Variants in ULK4 observed in about 807,000 individuals in gnomAD.
The protein encoded by ULK4 is inactive serine/threonine-protein kinase ULK4.
In ULK4, 133 loss-of-function variants were observed where a neutral mutation model predicts 160.6. The ratio of observed to expected loss-of-function variants is 0.83; its 90% CI spans 0.72 to 0.96. The LOEUF (loss-of-function observed/expected upper bound fraction) is 0.96. Among genes scored for constraint, ULK4 ranks in the 40% least tolerant of loss-of-function variants. The pLI, the probability that ULK4 is intolerant of heterozygous loss-of-function variation, is 0.00. For missense variants in ULK4, 1,580 were observed against 1,499.5 expected, an observed-to-expected ratio of 1.05 and a Z score of -0.89; for synonymous variants, 534 against 539.8, an observed-to-expected ratio of 0.99 and a Z score of 0.15.
chr3:41,339,868 G>A (rs1575447264), intron 35 of ULK4, among the ~76,000 whole-genome samples: 1 of 152,278 alleles, frequency 6.6e-6, no homozygotes, highest in East Asian at 1.9e-4. Context: ...AGTAGGGATG[G>A]TAATGTCTGA....
chr3:41,928,391 G>C (rs948519581), intron 5 of ULK4, among the ~76,000 whole-genome samples: 2 of 152,098 alleles, frequency 1.3e-5, no homozygotes, highest in Admixed American at 1.3e-4. Flanking sequence ...GCCCACAAGA[G>C]AAAGTAGGAA....
intron 18 of ULK4, among the ~76,000 whole-genome samples, chr3:41,822,722 A>AT (rs1199516780): frequency 0.09 from 9,800 of 109,386 alleles, 777 homozygotes; most frequent in African/African-American, 0.19. Flanking sequence ...CCGGGCTGAG[A>AT]TTTTTTTTTT....
At chr3:41,400,333 T>G (rs983903453) in intron 34 of ULK4, among the ~76,000 whole-genome samples, 1 of 151,750 alleles carries the variant, frequency 6.6e-6, no homozygotes, top group African/African-American at 2.4e-5. Context: ...ATCACAAGGA[T>G]CCCATTATAG....
Position 41,480,888 on chromosome 3 carries a change from G to C in ULK4, c.3227-17635C>G, listed in dbSNP as rs142125501. ...CTCTTATAAAACCATCAGATCTCAT[G>C]AGAACTCACTATCATGAGAACAGCC... On this transcript the variant is annotated intron_variant, in intron 32 of 36. Transcript: ENST00000301831. Among the ~76,000 whole-genome samples the C allele has an allele frequency of 1.3e-3, 200 of 152,220 alleles. 1 individual carries two copies. In the East Asian group the frequency reaches 0.03, roughly 23 times the overall value.
At chr3:41,732,885 T>C (rs981394294) in intron 22 of ULK4, among the ~76,000 whole-genome samples, 2 of 152,120 alleles carry the variant, frequency 1.3e-5, no homozygotes, top group Non-Finnish European at 2.9e-5. Context: ...CTCGCTCATA[T>C]GTGGAATCTC....
At chr3:41,375,251 AC>A (rs1414541818) in intron 35 of ULK4, among the ~76,000 whole-genome samples, 2 of 152,180 alleles carry the variant, frequency 1.3e-5, no homozygotes, top group Admixed American at 1.3e-4. Flanking sequence ...TCAAACTACC[AC>A]TGACTTTCTT....
rs1204986999 is a variant in ULK4, at chr3:41,299,106, T to C, written c.3679-49532A>G. Among the ~76,000 whole-genome samples the C allele has an allele frequency of 4.6e-5, 7 of 152,334 alleles. No individual in the cohort carries two copies. The East Asian group carries it at 7.7e-4, about 17-fold the overall frequency. ...ACTTGTGTTGGCCAACAGGATGTGA[T>C]GGAAGTGATGTTGTGCAGATCCAAG... On this transcript the variant is annotated intron_variant, in intron 35 of 36. Coordinates refer to ENST00000301831, the MANE Select transcript of ULK4 (RefSeq NM_017886.4).
intron 29 of ULK4, among the ~76,000 whole-genome samples, chr3:41,675,408 G>A (rs2035678628): frequency 6.6e-6 from 1 of 151,708 alleles, no homozygotes; most frequent in African/African-American, 2.4e-5. Context: ...TGGCCAACAT[G>A]GTGAAACTCT....
intron 34 of ULK4, among the ~76,000 whole-genome samples, chr3:41,421,345 T>C (rs2082659976): frequency 6.6e-6 from 1 of 152,194 alleles, no homozygotes; most frequent in African/African-American, 2.4e-5. Context: ...CCAACACTGT[T>C]GACTAGTAGT....
At chr3:41,758,074 T>C (rs1254168709) in intron 21 of ULK4, among the ~76,000 whole-genome samples, 1 of 152,168 alleles carries the variant, frequency 6.6e-6, no homozygotes, top group Non-Finnish European at 1.5e-5. Context: ...TGAATGAGGT[T>C]GGTACCCTTA....
At chr3:41,443,736 T>C (rs923945797) in intron 34 of ULK4, among the ~76,000 whole-genome samples, 2 of 139,450 alleles carry the variant, frequency 1.4e-5, no homozygotes, top group African/African-American at 5.6e-5. Flanking sequence ...TGAACCTAAT[T>C]TTAAATATAT....
chr3:41,643,290 G>A lies in ULK4; in HGVS notation c.3071+20317C>T, dbSNP rs547625227. Among the ~76,000 whole-genome samples the A allele has an allele frequency of 2.6e-5, 4 of 152,228 alleles. No homozygotes were observed. In the East Asian group the frequency reaches 7.7e-4, roughly 29 times the overall value. Reference sequence around the variant, plus strand: ...CCATGCCTATGTCCTGAATGGTAATGCCTAGGTTTTCTTCTACGGTTTTTA... The same window carrying A: ...CCATGCCTATGTCCTGAATGGTAATACCTAGGTTTTCTTCTACGGTTTTTA... On this transcript the variant is annotated intron_variant, in intron 30 of 36. Coordinates refer to ENST00000301831, the MANE Select transcript of ULK4 (RefSeq NM_017886.4).
At chr3:41,377,384 A>C (rs1261630558) in intron 35 of ULK4, among the ~76,000 whole-genome samples, 1 of 151,330 alleles carries the variant, frequency 6.6e-6, no homozygotes, top group South Asian at 2.1e-4. Flanking sequence ...GGATCTAATT[A>C]AACTAAAGAG....
chr3:41,464,052 C>T (rs993052668), intron 32 of ULK4, among the ~76,000 whole-genome samples: 8 of 150,800 alleles, frequency 5.3e-5, no homozygotes, highest in Non-Finnish European at 1.0e-4. Context: ...ATTTTACACA[C>T]GCAGATGGGG....
At chr3:41,723,206 AAATG>A (rs2037534156) in intron 22 of ULK4, among the ~76,000 whole-genome samples, 1 of 152,100 alleles carries the variant, frequency 6.6e-6, no homozygotes, top group African/African-American at 2.4e-5. Flanking sequence ...TTTCTCAGGA[AAATG>A]AAGGGAAAAG....
intron 34 of ULK4, among the ~76,000 whole-genome samples, chr3:41,404,168 A>G (rs935508465): frequency 6.4e-4 from 95 of 149,378 alleles, no homozygotes; most frequent in African/African-American, 2.2e-3. Flanking sequence ...ATTAATTCCT[A>G]AGTGGGAAAG....
chr3:41,542,092 G>A (rs572164726), intron 32 of ULK4, among the ~76,000 whole-genome samples: 3 of 152,236 alleles, frequency 2.0e-5, no homozygotes, highest in African/African-American at 7.2e-5. Flanking sequence ...CTTGTCTTGT[G>A]CTGGTTTTCA....
At chr3:41,423,082 T>C (rs984479170) in intron 34 of ULK4, among the ~76,000 whole-genome samples, 1 of 152,172 alleles carries the variant, frequency 6.6e-6, no homozygotes, top group South Asian at 2.1e-4. Context: ...AGTTACAAAA[T>C]ATGTATACTA....
chr3:41,882,340 A>T, intron 17 of ULK4: 1 of 699,846 alleles, frequency 1.4e-6, no homozygotes, highest in Non-Finnish European at 2.6e-6. Context: ...GCTGTGAAAA[A>T]GATAAAGTAG....
Sources: allele counts gnomAD v4.1 joint callset (sites outside exome capture counted in the v4.1 genomes callset), GRCh38; gene constraint gnomAD v4.1.1; transcripts MANE v1.5; gene names NCBI Gene and HGNC (gene_info 2026-07-23, HGNC 2026-07-21).